APP: variants seen among roughly 807,000 people sequenced by gnomAD.
APP encodes amyloid beta precursor protein.
Under a neutral mutation model 101.4 loss-of-function variants are expected in APP, and 31 were observed. That is an observed-to-expected ratio of 0.31 (90% CI 0.23 to 0.41). APP has a LOEUF of 0.41. APP is among the 10% of genes least tolerant of loss of function. APP has a pLI of 1.00. For synonymous variants in APP, 366 were observed against 364.4 expected, an observed-to-expected ratio of 1.00 and a Z score of -0.05; for missense variants, 839 against 1,003.7, an observed-to-expected ratio of 0.84 and a Z score of 2.22.
intron 8 of APP, among the ~76,000 whole-genome samples, chr21:25,994,269 G>T (rs1318538100): frequency 6.6e-6 from 1 of 152,052 alleles, no homozygotes; most frequent in African/African-American, 2.4e-5. Flanking sequence ...ATGGGCAGGT[G>T]CAAAACTAAT....
Position 25,897,611 on chromosome 21 carries a change from G to A in APP, c.2026C>T (p.Arg676Ter), listed in dbSNP as rs1555890516. The A allele has an allele frequency of 1.2e-6, 2 of 1,613,898 alleles. No individual in the cohort carries two copies. The highest frequency in any genetic ancestry group is 8.5e-7 in the Non-Finnish European group (1 of 1,179,918). Reference protein sequence around the residue: ...ISEVKMDAEFRHDSGYEVHHQ... With the variant: ...ISEVKMDAEF ...TGAACTTCATATCCTGAGTCATGTC[G>A]GAATTCTGCATCCATCTTCACTTCA... The change falls in exon 16 of 18, where the codon CGA (arginine) becomes TGA (stop). Residue 676 changes from arginine (R) to a stop codon, truncating the protein, a stop_gained. Coordinates refer to ENST00000346798, the MANE Select transcript of APP (RefSeq NM_000484.4). LOFTEE classifies it high-confidence loss of function.
chr21:26,060,633 G>GT (rs1320680660), intron 3 of APP, among the ~76,000 whole-genome samples: 3 of 152,290 alleles, frequency 2.0e-5, no homozygotes, highest in Middle Eastern at 3.4e-3. Context: ...TGGTTTGTTT[G>GT]TTTTTTCTGA....
At chr21:26,022,399 G>A (rs1408032153) in intron 5 of APP, among the ~76,000 whole-genome samples, 6 of 152,068 alleles carry the variant, frequency 3.9e-5, no homozygotes, top group Non-Finnish European at 8.8e-5. Flanking sequence ...TACTCTGCAC[G>A]ATACTGTCAT....
chr21:26,111,955 T>C (rs200835668), intron 2 of APP, 24 bp downstream of exon 2: 3 of 1,613,856 alleles, frequency 1.9e-6, no homozygotes, highest in Non-Finnish European at 2.5e-6. Flanking sequence ...CAACGTGAAT[T>C]GCTAGCCACC....
In APP at chr21:26,047,425, G is replaced by C. The variant is rs1026839016; in HGVS notation, c.662+3575C>G. On this transcript the variant is annotated intron_variant, in intron 5 of 17. Coordinates refer to ENST00000346798, the MANE Select transcript of APP (RefSeq NM_000484.4). ...ATTTCAAGTGTCAAAAGGAGGGCTG[G>C]TTCCTGGAACAAGGAGGCTGCCAGT... 5.9e-5 allele frequency among the ~76,000 whole-genome samples: 9 copies of C among 152,344 alleles called. No individual in the cohort carries two copies. In the South Asian group the frequency reaches 8.3e-4, roughly 14 times the overall value.
At chr21:26,043,982 C>T (rs2045493783) in intron 5 of APP, among the ~76,000 whole-genome samples, 1 of 152,122 alleles carries the variant, frequency 6.6e-6, no homozygotes. Flanking sequence ...TATTTATCAT[C>T]CGAAGAATTA....
chr21:25,928,326 A>G (rs1232294301), intron 13 of APP, among the ~76,000 whole-genome samples: 1 of 145,996 alleles, frequency 6.8e-6, no homozygotes, highest in Non-Finnish European at 1.5e-5. Context: ...TGGGCGACAG[A>G]GCGAGACTCC....
intron 6 of APP, among the ~76,000 whole-genome samples, chr21:26,011,582 T>C (rs1268271080): frequency 6.6e-6 from 1 of 152,108 alleles, no homozygotes; most frequent in African/African-American, 2.4e-5. Context: ...AACAATTATC[T>C]GGCCCAAAAC....
chr21:26,099,439 G>C (rs1056500826), intron 2 of APP, among the ~76,000 whole-genome samples: 4 of 152,166 alleles, frequency 2.6e-5, no homozygotes, highest in African/African-American at 9.7e-5. Flanking sequence ...TCATAATCCT[G>C]AGTTAGTAAT....
chr21:25,925,244 G>A (rs1009751772), intron 13 of APP, among the ~76,000 whole-genome samples: 13 of 152,110 alleles, frequency 8.5e-5, no homozygotes, highest in Non-Finnish European at 1.5e-4. Context: ...TTTCCAATCA[G>A]CAGTTCTGTG....
chr21:26,070,690 C>T (rs1022398996), intron 3 of APP, among the ~76,000 whole-genome samples: 1 of 152,044 alleles, frequency 6.6e-6, no homozygotes, highest in South Asian at 2.1e-4. Context: ...CCAAACAAAA[C>T]ACCCAGAAAA....
intron 7 of APP, 57 bp from the exon 8 acceptor site, chr21:25,997,473 G>T: frequency 6.9e-7 from 1 of 1,454,430 alleles, no homozygotes; most frequent in Non-Finnish European, 9.7e-7. Context: ...TGGGAATGAT[G>T]GCTGAAATGC....
At chr21:25,909,065 C>T (rs1373404485) in intron 14 of APP, among the ~76,000 whole-genome samples, 1 of 152,008 alleles carries the variant, frequency 6.6e-6, no homozygotes, top group Non-Finnish European at 1.5e-5. Flanking sequence ...AGATCGAGAC[C>T]ATCCTGGCTA....
intron 1 of APP, among the ~76,000 whole-genome samples, chr21:26,112,908 A>G (rs1309213979): frequency 6.6e-6 from 1 of 152,106 alleles, no homozygotes; most frequent in Non-Finnish European, 1.5e-5. Flanking sequence ...GCAATAGACC[A>G]CTTCACAAAA....
intron 17 of APP, among the ~76,000 whole-genome samples, chr21:25,886,431 T>G (rs1242679305): frequency 6.6e-6 from 1 of 152,026 alleles, no homozygotes; most frequent in Admixed American, 6.6e-5. Flanking sequence ...TCTTGCTCTG[T>G]CACCCAGGCT....
chr21:26,060,965 G>C lies in APP; in HGVS notation c.356-7617C>G, dbSNP rs1009471664. Among the ~76,000 whole-genome samples the C allele has an allele frequency of 3.3e-5, 5 of 152,304 alleles. No homozygotes were observed. The South Asian group carries it at 8.3e-4, about 25-fold the overall frequency. On this transcript the variant is annotated intron_variant, in intron 3 of 17. Transcript: ENST00000346798. ...ATTGTCCAACTCTGGCCAGTACTCA[G>C]AGTAATGCTGGAAGGCTCTGGGGTG...
intron 3 of APP, among the ~76,000 whole-genome samples, chr21:26,071,500 A>G (rs1720343234): frequency 6.6e-6 from 1 of 152,222 alleles, no homozygotes; most frequent in African/African-American, 2.4e-5. Flanking sequence ...CTCCCATTTT[A>G]TATTTAACAT....
At chr21:26,106,624 G>C (rs1016599348) in intron 2 of APP, among the ~76,000 whole-genome samples, 1 of 152,284 alleles carries the variant, frequency 6.6e-6, no homozygotes, top group East Asian at 1.9e-4. Flanking sequence ...CTACAGGTCT[G>C]AGCCACGGAG....
chr21:26,041,146 G>GT (rs1165991237), intron 5 of APP, among the ~76,000 whole-genome samples: 1 of 152,188 alleles, frequency 6.6e-6, no homozygotes, highest in African/African-American at 2.4e-5. Context: ...GTTCCTTGTG[G>GT]TAAGTTACTG....
Sources: allele counts gnomAD v4.1 joint callset (sites outside exome capture counted in the v4.1 genomes callset), GRCh38; gene constraint gnomAD v4.1.1; transcripts MANE v1.5; gene names NCBI Gene and HGNC (gene_info 2026-07-23, HGNC 2026-07-21).